Variants in CDH23 observed in about 807,000 individuals in gnomAD.
CDH23 encodes the protein cadherin-23.
CDH23 carries 189 observed loss-of-function variants against 317.1 expected under a neutral mutation model. That is an observed-to-expected ratio of 0.60 (90% confidence interval 0.53 to 0.67). The LOEUF is 0.67. Among genes scored for constraint, CDH23 ranks in the 30% least tolerant of loss-of-function variants. CDH23 has a pLI of 0.00. For missense variants in CDH23, 4,401 were observed against 4,592.4 expected (o/e 0.96, Z 1.20); for synonymous variants, 1,839 against 1,876.8 (o/e 0.98, Z 0.52).
At chr10:71,577,781 T>C in intron 8 of CDH23, 133 bp from the exon 9 acceptor site, 1 of 719,324 alleles carries the variant, frequency 1.4e-6, no homozygotes. Flanking sequence ...GCCTGAGCCC[T>C]TGGCATCTAC....
chr10:71,609,232 G>A (rs2132497561), intron 9 of CDH23, among the ~76,000 whole-genome samples: 1 of 151,226 alleles, frequency 6.6e-6, no homozygotes. Context: ...AGAGAGAACT[G>A]CCCCGCCCCA....
In CDH23 at chr10:71,532,711, G is replaced by GTTTTTTTTTGTTTTTT. The variant is rs1855452212; in HGVS notation, c.429+21508_429+21509insGTTTTTTTTTTTTTTT. The stretch of plus-strand genomic sequence containing the variant: ...TGTTGGCAAGTTTTCTTTTGTTTTT[G>GTTTTTTTTTGTTTTTT]TTTTTTTTTTTTTTTGTTTTTTTTT... On this transcript the variant is annotated intron_variant, in intron 6 of 69. Coordinates refer to ENST00000224721, the MANE Select transcript of CDH23 (RefSeq NM_022124.6). Among the ~76,000 whole-genome samples the GTTTTTTTTTGTTTTTT allele has an allele frequency of 2.3e-4, 30 of 128,086 alleles. 1 individual carries two copies. The highest frequency in any genetic ancestry group is 4.2e-4 in the Non-Finnish European group (24 of 57,036). 84.0% of individuals were successfully genotyped at this position (128,086 alleles called of 152,430 possible).
At chr10:71,585,599 A>T (rs1164010822) in intron 9 of CDH23, among the ~76,000 whole-genome samples, 1 of 152,186 alleles carries the variant, frequency 6.6e-6, no homozygotes, top group African/African-American at 2.4e-5. Context: ...TGTTATTTGC[A>T]GTTCTCTCCC....
At chr10:71,814,713 T>TACACACACACACAC (rs34475820) in intron 69 of CDH23, among the ~76,000 whole-genome samples, 109 of 146,992 alleles carry the variant, frequency 7.4e-4, no homozygotes, top group African/African-American at 2.5e-3. Flanking sequence ...AAGAAGCCGA[T>TACACACACACACAC]ACACACACAC....
intron 1 of CDH23, among the ~76,000 whole-genome samples, chr10:71,409,311 G>C (rs934269229): frequency 6.6e-6 from 1 of 152,114 alleles, no homozygotes; most frequent in Non-Finnish European, 1.5e-5. Context: ...GTACCTCTCA[G>C]GTAGACAAAG....
intron 9 of CDH23, among the ~76,000 whole-genome samples, chr10:71,590,877 AAAAAAAAAACAAAAAAAAAC>A (rs1237502559): frequency 8.1e-6 from 1 of 122,962 alleles, no homozygotes; most frequent in Non-Finnish European, 1.6e-5. Flanking sequence ...TGTCTCTAAA[AAAAAAAAAACAAAAAAAAAC>A]AAAAAAAAAC....
intron 26 of CDH23, chr10:71,707,506 A>G (rs1398863158): frequency 9.4e-7 from 1 of 1,066,762 alleles, no homozygotes; most frequent in African/African-American, 1.6e-5. Context: ...GTTTTAGCTC[A>G]AAAATGTTGC....
chr10:71,772,478 C>G (rs1840708154), intron 38 of CDH23, among the ~76,000 whole-genome samples: 1 of 152,254 alleles, frequency 6.6e-6, no homozygotes, highest in Admixed American at 6.5e-5. Context: ...ACTAGGCAAC[C>G]AGGCCATGGG....
At chr10:71,607,144 A>G (rs1860575227) in intron 9 of CDH23, among the ~76,000 whole-genome samples, 1 of 152,180 alleles carries the variant, frequency 6.6e-6, no homozygotes, top group South Asian at 2.1e-4. Context: ...ATACAGTGAT[A>G]CAACTCTATA....
intron 14 of CDH23, among the ~76,000 whole-genome samples, chr10:71,664,184 G>T (rs749865847): frequency 2.6e-4 from 40 of 152,136 alleles, no homozygotes; most frequent in Admixed American, 9.8e-4. Flanking sequence ...CTTGGCACAG[G>T]CAGACACCGG....
At chr10:71,744,726 C>T (rs1839814512) in intron 38 of CDH23, among the ~76,000 whole-genome samples, 1 of 152,182 alleles carries the variant, frequency 6.6e-6, no homozygotes, top group South Asian at 2.1e-4. Context: ...ATCACCAGCT[C>T]TGCTCCCTGA....
chr10:71,535,239 ACTGTGTAAATTATAGC>A (rs1855631667), intron 6 of CDH23, among the ~76,000 whole-genome samples: 1 of 152,130 alleles, frequency 6.6e-6, no homozygotes, highest in Non-Finnish European at 1.5e-5. Context: ...GCCCAAAGAC[ACTGTGTAAATTATAGC>A]CTGTGTCTTG....
intron 34 of CDH23, chr10:71,737,604 T>A (rs968023119): frequency 1.8e-5 from 8 of 449,120 alleles, no homozygotes; most frequent in African/African-American, 1.4e-4. Flanking sequence ...GAACCCCACA[T>A]GCAGGGAAGC....
rs375765955 is a variant in CDH23, at chr10:71,785,730, G to A, written c.5812G>A (p.Ala1938Thr). 2.5e-6 allele frequency: 4 copies of A among 1,599,076 alleles called. No homozygotes were observed. The highest frequency in any genetic ancestry group is 3.4e-6 in the Non-Finnish European group (4 of 1,171,172). The change falls in exon 44 of 70, where the codon GCC (alanine) becomes ACC (threonine). Residue 1938 changes from alanine (A) to threonine (T), a missense_variant. Coordinates refer to ENST00000224721, the MANE Select transcript of CDH23 (RefSeq NM_022124.6). ...GGACAACCCGGAGAATCCACGCATA[G>A]CCAGGAGGGTGAGACTGGAGGGCAC... The part of the protein sequence containing the change: ...VKDNPENPRI[A>T]RRDYDLLLIF...
intron 2 of CDH23, among the ~76,000 whole-genome samples, chr10:71,443,590 A>G (rs7096825): frequency 0.34 from 51,985 of 152,182 alleles, 9,109 homozygotes; most frequent in Middle Eastern, 0.47. Flanking sequence ...TGGGGGTGGC[A>G]GAGAGGGCGG....
chr10:71,531,982 G>T (rs1321078933), intron 6 of CDH23, among the ~76,000 whole-genome samples: 1 of 152,136 alleles, frequency 6.6e-6, no homozygotes, highest in Non-Finnish European at 1.5e-5. Context: ...TTGTTCAAAA[G>T]ACCCTTAGTC....
intron 11 of CDH23, among the ~76,000 whole-genome samples, chr10:71,637,934 A>G (rs1338609906): frequency 6.7e-6 from 1 of 149,650 alleles, no homozygotes; most frequent in East Asian, 2.0e-4. Context: ...CTCTTCCATG[A>G]AAAGGAATTA....
At chr10:71,428,609 G>A (rs10999806) in intron 1 of CDH23, among the ~76,000 whole-genome samples, 131,548 of 151,240 alleles carry the variant, frequency 0.87, 57,383 homozygotes, top group African/African-American at 0.91. Context: ...TTTTAATCGA[G>A]ATGGAGTCTC....
chr10:71,641,748 C>T (rs917757617), intron 11 of CDH23, among the ~76,000 whole-genome samples: 28 of 152,078 alleles, frequency 1.8e-4, no homozygotes, highest in Non-Finnish European at 1.2e-4. Context: ...TTCCTCCACC[C>T]GAAATCCCTT....
Sources: allele counts gnomAD v4.1 joint callset (sites outside exome capture counted in the v4.1 genomes callset), GRCh38; gene constraint gnomAD v4.1.1; transcripts MANE v1.5; gene names NCBI Gene and HGNC (gene_info 2026-07-23, HGNC 2026-07-21).